Variants in CILP observed in about 807,000 individuals in gnomAD.
CILP encodes the protein cartilage intermediate layer protein 1.
Under a neutral mutation model 82.5 loss-of-function variants are expected in CILP, and 75 were observed. That is an observed-to-expected ratio of 0.91 (90% CI 0.75 to 1.10). The LOEUF is 1.10. Ranked by LOEUF, CILP falls within the 50% of genes least tolerant of loss-of-function variation. The probability of loss-of-function intolerance (pLI) is 0.00; values close to 1 mark genes in which losing one functional copy is unlikely to be tolerated. For missense variants in CILP, 1,479 were observed against 1,530.8 expected (o/e 0.97, Z 0.56); for synonymous variants, 530 against 580.3 (o/e 0.91, Z 1.25).
rs539852542 is a variant in CILP at position 65,203,983 on chromosome 15, A to G, written c.919+285T>C. Among the ~76,000 whole-genome samples, 15 of 152,374 alleles carry G rather than the reference A, an allele frequency of 9.8e-5. No homozygotes were observed. The East Asian group carries it at 2.9e-3, about 29-fold the overall frequency. On this transcript the variant is annotated intron_variant, in intron 6 of 8. Coordinates refer to ENST00000261883, the MANE Select transcript of CILP (RefSeq NM_003613.4). ...CTATGGGAAGAACATTCTAAACAGA[A>G]TACATGCAGCAAGCACGAAGGCCCT...
At chr15:65,206,705 C>A in intron 4 of CILP, 77 bp downstream of exon 4, 1 of 1,494,618 alleles carries the variant, frequency 6.7e-7, no homozygotes. Context: ...GTTCTGGTGG[C>A]CAGAGGCAGG....
intron 7 of CILP, among the ~76,000 whole-genome samples, chr15:65,202,831 C>T (rs1001656579): frequency 4.0e-5 from 5 of 124,098 alleles, no homozygotes; most frequent in East Asian, 2.1e-4. Flanking sequence ...CAGGGGACCA[C>T]AGCTTTTTTT....
rs2088389544 is a variant in CILP, at chr15:65,197,728, T to C, written c.2558A>G (p.Tyr853Cys). 2 of 1,612,594 alleles carry C rather than the reference T, an allele frequency of 1.2e-6. No homozygotes were observed. The highest frequency in any genetic ancestry group is 1.7e-6 in the Non-Finnish European group (2 of 1,180,026). ...NPNAIGVPQP[Y>C]LNKLNYRRTD... Reference sequence around the variant, plus strand: ...CCGACGGTAGTTGAGCTTGTTGAGATAGGGCTGAGGGACGCCAATTGCATT... The same window carrying C: ...CCGACGGTAGTTGAGCTTGTTGAGACAGGGCTGAGGGACGCCAATTGCATT... Residue 853 changes from tyrosine (Y) to cysteine (C), a missense_variant, in exon 9 of 9, where the codon TAT becomes TGT. Coordinates refer to ENST00000261883, the MANE Select transcript of CILP (RefSeq NM_003613.4).
intron 7 of CILP, 27 bp downstream of exon 7, chr15:65,203,335 G>T (rs374924369): frequency 6.6e-7 from 1 of 1,504,678 alleles, no homozygotes; most frequent in Non-Finnish European, 9.2e-7. Context: ...GAGGAGAATT[G>T]GGCAGGGTAG....
chr15:65,198,596 C>G lies in CILP; in HGVS notation c.1690G>C (p.Val564Leu). 6.2e-7 allele frequency: 1 copy of G among 1,614,230 alleles called. No individual in the cohort carries two copies. Among genetic ancestry groups the G allele is most frequent in the East Asian group, 2.2e-5 (1 of 44,888 alleles). ...CGAAGCATCTTGATTTCATGGAACACGGCACTCCCCTTCTTGTTGAAAGGT... is the reference window on the plus strand; with the variant it reads ...CGAAGCATCTTGATTTCATGGAACAGGGCACTCCCCTTCTTGTTGAAAGGT... ...VLPFNKKGSA[V>L]FHEIKMLRRK... Residue 564 changes from valine to leucine, a missense_variant, in exon 9 of 9, where the codon GTG becomes CTG. By Grantham distance (32) the Val-to-Leu change is conservative. Coordinates refer to ENST00000261883, the MANE Select transcript of CILP (RefSeq NM_003613.4).
Position 65,203,415 on chromosome 15 carries a change from G to T in CILP, c.975C>A (p.Ser325Arg). 1 of 1,612,934 alleles carries T rather than the reference G, an allele frequency of 6.2e-7. No homozygotes were observed. Among genetic ancestry groups the T allele is most frequent in the Non-Finnish European group, 8.5e-7 (1 of 1,179,902 alleles). Residue 325 changes from serine (S) to arginine (R), a missense_variant, in exon 7 of 9, where the codon AGC becomes AGA. Physicochemically the swap from Ser to Arg is moderately radical, Grantham distance 110. Coordinates refer to ENST00000261883, the MANE Select transcript of CILP (RefSeq NM_003613.4). ...PETKARRAGQ[S>R]VSLCCKATGK... ...CTGTGGCCTTACAGCACAGAGACAC[G>T]CTCTGCCCAGCTCTCCGTGCTTTTG...
At chr15:65,200,520 CT>C (rs1407998441) in intron 8 of CILP, among the ~76,000 whole-genome samples, 1 of 152,148 alleles carries the variant, frequency 6.6e-6, no homozygotes, top group Non-Finnish European at 1.5e-5. Flanking sequence ...AGACAGGCCC[CT>C]GATTGGTCTT....
Position 65,196,911 on chromosome 15 carries a change from G to A in CILP, c.3375C>T (p.Gly1125=), listed in dbSNP as rs377747359. 4 of 1,613,230 alleles carry A rather than the reference G, an allele frequency of 2.5e-6. No homozygotes were observed. In the African/African-American group the frequency reaches 4.0e-5, roughly 16 times the overall value. The part of the protein sequence containing the change: ...LTFNCVERQV[G]RQSAFQYLQS... ...GGAGGTACTGGAAGGCACTCTGGCG[G>A]CCTACTTGCCTCTCTACACAGTTGA... Residue 1125 remains glycine, a synonymous_variant, in exon 9 of 9, where the codon GGC becomes GGT. Transcript: ENST00000261883.
chr15:65,206,664 T>C, intron 4 of CILP, 118 bp downstream of exon 4: 1 of 1,120,258 alleles, frequency 8.9e-7, no homozygotes, highest in East Asian at 2.4e-5. Flanking sequence ...TATTACAGAG[T>C]CCAAGCATAC....
intron 6 of CILP, among the ~76,000 whole-genome samples, 156 bp downstream of exon 6, chr15:65,204,112 A>G (rs1422281442): frequency 6.6e-6 from 1 of 152,236 alleles, no homozygotes; most frequent in African/African-American, 2.4e-5. Context: ...AGAGCAGAGA[A>G]GAAATGGAGG....
chr15:65,208,044 C>T (rs1595961273), intron 2 of CILP, among the ~76,000 whole-genome samples: 2 of 152,152 alleles, frequency 1.3e-5, no homozygotes, highest in African/African-American at 4.8e-5. Flanking sequence ...TTGTAGTGCA[C>T]ACTCAGTGAA....
rs988254917 is a variant in CILP, at chr15:65,196,214, C to T, written c.*517G>A. The T allele has an allele frequency of 2.6e-5, 4 of 152,354 alleles. No homozygotes were observed. The highest frequency in any genetic ancestry group is 9.7e-5 in the African/African-American group (4 of 41,426). 9.4% of individuals were successfully genotyped at this position (152,354 alleles called of 1,614,324 possible). A position where few individuals can be genotyped will look rare whatever the true frequency, so the allele number is the denominator to read the frequency against. ...TTAACTTTGAATGTGCACTAGAATT[C>T]CAAATTTAGCAAAGAAATAAATAAG... On this transcript the variant is annotated 3_prime_UTR_variant, in exon 9 of 9. Coordinates refer to ENST00000261883, the MANE Select transcript of CILP (RefSeq NM_003613.4).
rs1230668750 is a variant in CILP, at chr15:65,197,794, T to A, written c.2492A>T (p.Glu831Val). Residue 831 changes from glutamate to valine, a missense_variant, in exon 9 of 9, where the codon GAG becomes GTG. By Grantham distance (121) the Glu-to-Val change is moderately radical (BLOSUM62 -2). Coordinates refer to ENST00000261883, the MANE Select transcript of CILP (RefSeq NM_003613.4). ...AGAAGACTCCACTGCTTGCAGTTCCTCCCCAGCCAGGCTTGCCAAGACATA... is the reference window on the plus strand; with the variant it reads ...AGAAGACTCCACTGCTTGCAGTTCCACCCCAGCCAGGCTTGCCAAGACATA... ...SAYVLASLAG[E>V]ELQAVESSPK... is the part of the protein sequence containing the mutation. 1.9e-6 allele frequency: 3 copies of A among 1,613,368 alleles called. No homozygotes were observed. The highest frequency in any genetic ancestry group is 2.7e-5 in the African/African-American group (2 of 74,896).
chr15:65,207,125 C>A, intron 3 of CILP, 74 bp from the exon 4 acceptor site: 6 of 1,515,360 alleles, frequency 4.0e-6, no homozygotes, highest in Non-Finnish European at 3.6e-6. Flanking sequence ...TCTCACCCAC[C>A]CCCAGCTGGC....
chr15:65,209,035 T>TC (rs1462735742), intron 2 of CILP, among the ~76,000 whole-genome samples: 2 of 89,198 alleles, frequency 2.2e-5, no homozygotes, highest in Non-Finnish European at 4.9e-5. Flanking sequence ...TTTTTTTTTT[T>TC]TGCTTTTGCT....
At chr15:65,200,130 CATTTAGATATGGG>C (rs1214703565) in intron 8 of CILP, among the ~76,000 whole-genome samples, 2 of 152,116 alleles carry the variant, frequency 1.3e-5, no homozygotes, top group African/African-American at 4.8e-5. Context: ...TGTGCCAAAG[CATTTAGATATGGG>C]AATACACACT....
intron 3 of CILP, 85 bp downstream of exon 3, chr15:65,207,587 C>T (rs2088532258): frequency 8.2e-7 from 1 of 1,221,758 alleles, no homozygotes; most frequent in Non-Finnish European, 1.2e-6. Context: ...GGGACCCTGA[C>T]ATCATGCCCT....
At chr15:65,199,763 C>T (rs1042231577) in intron 8 of CILP, among the ~76,000 whole-genome samples, 4 of 152,230 alleles carry the variant, frequency 2.6e-5, no homozygotes, top group African/African-American at 9.6e-5. Context: ...GTCAATGCTG[C>T]AGTTAGCCGT....
rs761617904 is a variant in CILP, at chr15:65,197,084, C to G, written c.3202G>C (p.Asp1068His). ...TSEYTMLAPL[D>H]PLGHNYGIYT... Reference sequence around the variant, plus strand: ...ATGCCATAGTTGTGGCCCAGTGGGTCCAAGGGTGCCAGCATGGTGTACTCA... The same window carrying G: ...ATGCCATAGTTGTGGCCCAGTGGGTGCAAGGGTGCCAGCATGGTGTACTCA... Residue 1068 changes from aspartate to histidine, a missense_variant, in exon 9 of 9, where the codon GAC (aspartate) becomes CAC (histidine). Physicochemically the swap from Asp to His is moderately conservative, Grantham distance 81. Coordinates refer to ENST00000261883, the MANE Select transcript of CILP (RefSeq NM_003613.4). The G allele has an allele frequency of 6.2e-7, 1 of 1,613,694 alleles. No individual in the cohort carries two copies. The highest frequency in any genetic ancestry group is 8.5e-7 in the Non-Finnish European group (1 of 1,179,906).
Sources: allele counts gnomAD v4.1 joint callset (sites outside exome capture counted in the v4.1 genomes callset), GRCh38; gene constraint gnomAD v4.1.1; transcripts MANE v1.5; gene names NCBI Gene and HGNC (gene_info 2026-07-23, HGNC 2026-07-21).